The following NLGN3 variants were observed in gnomAD, a reference collection of about 807,000 sequenced individuals.
NLGN3 encodes neuroligin-3.
Under a neutral mutation model 42.9 loss-of-function variants are expected in NLGN3, and 11 were observed. The ratio of observed to expected loss-of-function variants is 0.26; its 90% CI spans 0.16 to 0.42. The LOEUF is 0.42. Among genes scored for constraint, NLGN3 ranks in the 10% least tolerant of loss-of-function variants. NLGN3 has a pLI of 1.00. For missense variants in NLGN3, 374 were observed against 733.8 expected, an observed-to-expected ratio of 0.51 and a Z score of 5.67; for synonymous variants, 279 against 312.7, an observed-to-expected ratio of 0.89 and a Z score of 1.14.
chrX:71,153,559 G>C, intron 4 of NLGN3, 23 bp downstream of exon 4: 1 of 1,178,428 alleles, frequency 8.5e-7, no homozygotes. Context: ...TGCAGGGCGC[G>C]GCGGCTGGTG....
intron 5 of NLGN3, among the ~76,000 whole-genome samples, chrX:71,157,676 G>C (rs1211644691): frequency 1.8e-5 from 2 of 111,328 alleles, no homozygotes; most frequent in African/African-American, 3.3e-5. Flanking sequence ...CAGAGGCTCC[G>C]GGGCTGCATT....
chrX:71,145,898 C>T (rs2092364636), intron 1 of NLGN3, among the ~76,000 whole-genome samples: 1 of 101,942 alleles, frequency 9.8e-6, no homozygotes, highest in Non-Finnish European at 2.0e-5. Context: ...ATTGTGTGAA[C>T]TCAGCTGCGG....
intron 5 of NLGN3, among the ~76,000 whole-genome samples, chrX:71,163,117 G>A (rs2092435706): frequency 9.0e-6 from 1 of 110,772 alleles, no homozygotes; most frequent in Non-Finnish European, 1.9e-5. Context: ...TGGGCAGGAA[G>A]GTAGTCTCCA....
At chrX:71,161,779 A>T (rs746076591) in intron 5 of NLGN3, among the ~76,000 whole-genome samples, 16 of 112,077 alleles carry the variant, frequency 1.4e-4, no homozygotes, top group East Asian at 8.5e-4. Context: ...CTTCTAAAAA[A>T]AAATAAATAA....
In NLGN3 at chrX:71,170,157, G is replaced by GCGCACA; in HGVS notation, c.*61_*62insGCACAC. The GCGCACA allele has an allele frequency of 1.6e-6, 1 of 612,573 alleles. No individual in the cohort carries two copies. Among genetic ancestry groups the GCGCACA allele is most frequent in the African/African-American group, 2.2e-5 (1 of 44,790 alleles). 50.5% of individuals were successfully genotyped at this position (612,573 alleles called of 1,213,427 possible). Reference sequence around the variant, plus strand: ...CTCCCTCCCAGATCCAGGAACACATGCACACACACACACACACACACGCAG... The same window carrying GCGCACA: ...CTCCCTCCCAGATCCAGGAACACATGCGCACACACACACACACACACACACACGCAG... On this transcript the variant is annotated 3_prime_UTR_variant, in exon 8 of 8. Coordinates refer to ENST00000358741, the MANE Select transcript of NLGN3 (RefSeq NM_181303.2).
At position 71,155,506 on chromosome X, in the gene NLGN3, C is replaced by T; in HGVS notation, c.727+143C>T. 3.8e-6 allele frequency: 3 copies of T among 784,751 alleles called. No homozygotes were observed. The South Asian group carries it at 6.6e-5, about 17-fold the overall frequency. 64.7% of individuals were successfully genotyped at this position (784,751 alleles called of 1,213,427 possible). On this transcript the variant is annotated intron_variant, in intron 5 of 7. Coordinates refer to ENST00000358741, the MANE Select transcript of NLGN3 (RefSeq NM_181303.2). The stretch of plus-strand genomic sequence containing the variant: ...GTCAAAATGGTGTTATCCTCTGGCC[C>T]CTACCCAAATGCTAGGGGCTTCCCC...
chrX:71,163,679 G>A (rs1238033584), intron 5 of NLGN3, among the ~76,000 whole-genome samples: 1 of 112,206 alleles, frequency 8.9e-6, no homozygotes, highest in Non-Finnish European at 1.9e-5. Flanking sequence ...TTACAGAAGA[G>A]GACACTATGG....
chrX:71,146,124 TTCTCTCTC>T (rs751338166), intron 1 of NLGN3, among the ~76,000 whole-genome samples: 10,278 of 48,505 alleles, frequency 0.21, 1,572 homozygotes, highest in Middle Eastern at 0.4. Flanking sequence ...TTCCTTTTTC[TTCTCTCTC>T]TCTCTCTCTC....
chrX:71,168,819 A>AG (rs1569485644), intron 7 of NLGN3, among the ~76,000 whole-genome samples: 20 of 79,715 alleles, frequency 2.5e-4, no homozygotes, highest in African/African-American at 6.4e-4. Context: ...AAAGAGAAAA[A>AG]AAAAAGAAAG....
At chrX:71,153,976 C>T (rs745619350) in intron 4 of NLGN3, among the ~76,000 whole-genome samples, 4 of 111,511 alleles carry the variant, frequency 3.6e-5, no homozygotes, top group South Asian at 3.8e-4. Flanking sequence ...AGAGGGGCCC[C>T]GCAGGATGGT....
chrX:71,147,225 C>T (rs1342780574), intron 1 of NLGN3, among the ~76,000 whole-genome samples: 1 of 111,600 alleles, frequency 9.0e-6, no homozygotes, highest in Admixed American at 9.5e-5. Context: ...TTGTTTCTCC[C>T]CACCCCCTGG....
At chrX:71,150,071 G>A (rs748476045) in intron 3 of NLGN3, among the ~76,000 whole-genome samples, 29 of 111,161 alleles carry the variant, frequency 2.6e-4, no homozygotes, top group Non-Finnish European at 1.9e-4. Context: ...TGTTGAACAT[G>A]AGCCCTGAGC....
intron 3 of NLGN3, among the ~76,000 whole-genome samples, chrX:71,149,662 A>T (rs1602315022): frequency 9.0e-6 from 1 of 111,584 alleles, no homozygotes; most frequent in East Asian, 2.8e-4. Flanking sequence ...TCCCAATTTT[A>T]CAGATGAGGA....
At chrX:71,156,725 C>T (rs1026878756) in intron 5 of NLGN3, among the ~76,000 whole-genome samples, 2 of 110,614 alleles carry the variant, frequency 1.8e-5, no homozygotes, top group Admixed American at 9.6e-5. Flanking sequence ...TATATGCACA[C>T]GTACACACTC....
chrX:71,174,335 C>T (rs1195379498), downstream of NLGN3, among the ~76,000 whole-genome samples: 1 of 111,420 alleles, frequency 9.0e-6, no homozygotes, highest in Non-Finnish European at 1.9e-5. Flanking sequence ...CTGGTGGTGG[C>T]CCTGAAAACC....
Position 71,169,646 on chromosome X carries a change from A to C in NLGN3, c.2096A>C (p.Glu699Ala). Residue 699 changes from glutamate (E) to alanine (A), a missense_variant, in exon 8 of 8, where the codon GAG becomes GCG. Physicochemically the swap from Glu to Ala is moderately radical, Grantham distance 107 (BLOSUM62 -1). Coordinates refer to ENST00000358741, the MANE Select transcript of NLGN3 (RefSeq NM_181303.2). ...CAGGATGCAGGGCCACTCCTGGTGG[A>C]GAACCCTCGTGACTACTCCACTGAA... ...GDQDAGPLLV[E>A]NPRDYSTELS... The C allele has an allele frequency of 8.3e-7, 1 of 1,212,087 alleles. No homozygotes were observed. The highest frequency in any genetic ancestry group is 1.8e-5 in the South Asian group (1 of 57,016).
chrX:71,170,514 A>G lies in NLGN3; in HGVS notation c.*417A>G. On this transcript the variant is annotated 3_prime_UTR_variant, in exon 8 of 8. Coordinates refer to ENST00000358741, the MANE Select transcript of NLGN3 (RefSeq NM_181303.2). ...AACTCCAGACTTGGGAGCTTTAAAG[A>G]GCAGGATAGCTCTTCCTCCCCAGGA... The G allele has an allele frequency of 1.2e-6, 1 of 843,405 alleles. No homozygotes were observed. Among genetic ancestry groups the G allele is most frequent in the Non-Finnish European group, 1.4e-6 (1 of 695,776 alleles). The allele number at this position is 843,405 out of a possible 1,213,427, so 69.5% of individuals were successfully genotyped here. A position where few individuals can be genotyped will look rare whatever the true frequency, so the allele number is the denominator to read the frequency against.
At chrX:71,151,548 C>T (rs779115872) in intron 3 of NLGN3, among the ~76,000 whole-genome samples, 26 of 111,739 alleles carry the variant, frequency 2.3e-4, no homozygotes, top group Non-Finnish European at 4.7e-4. Context: ...GGCTGGGATC[C>T]CTCAGCGGCG....
intron 5 of NLGN3, among the ~76,000 whole-genome samples, chrX:71,158,810 G>A (rs1004915054): frequency 1.3e-4 from 14 of 111,758 alleles, no homozygotes; most frequent in African/African-American, 3.3e-4. Flanking sequence ...ACTGTGGGCC[G>A]CACAGAAGGC....
Sources: allele counts gnomAD v4.1 joint callset (sites outside exome capture counted in the v4.1 genomes callset), GRCh38; gene constraint gnomAD v4.1.1; transcripts MANE v1.5; gene names NCBI Gene and HGNC (gene_info 2026-07-23, HGNC 2026-07-21).